The following GRID1 variants were observed in gnomAD, a reference collection of about 807,000 sequenced individuals.
GRID1 encodes the protein glutamate ionotropic receptor delta type subunit 1, also known as glutamate receptor ionotropic, delta-1.
GRID1 carries 28 observed loss-of-function variants against 98.0 expected under a neutral mutation model. The observed-to-expected ratio is 0.29, with a 90% CI of 0.21 to 0.39. The LOEUF is 0.39. GRID1 is among the 10% of genes least tolerant of loss of function. GRID1 has a pLI of 1.00. For missense variants in GRID1, 1,111 were observed against 1,340.5 expected, an observed-to-expected ratio of 0.83 and a Z score of 2.67; for synonymous variants, 553 against 538.5, an observed-to-expected ratio of 1.03 and a Z score of -0.37.
chr10:86,057,277 C>T (rs1843588086), intron 4 of GRID1, among the ~76,000 whole-genome samples: 1 of 152,188 alleles, frequency 6.6e-6, no homozygotes, highest in Admixed American at 6.5e-5. Flanking sequence ...GAAGATTTCA[C>T]AGAAGTCACC....
In GRID1 at chr10:85,717,517, G is replaced by A. The variant is rs143688746; in HGVS notation, c.1997+5486C>T. On this transcript the variant is annotated intron_variant, in intron 12 of 15. Coordinates refer to ENST00000327946, the MANE Select transcript of GRID1 (RefSeq NM_017551.3). ...TCACAAGAATAGCATGGGAAAGGCC[G>A]GCCCCCATGATTCAATTACCTCTCC... Among the ~76,000 whole-genome samples, 105 of 152,190 alleles carry A rather than the reference G, an allele frequency of 6.9e-4. 1 individual carries two copies. The East Asian group carries it at 0.019, about 27-fold the overall frequency.
intron 2 of GRID1, among the ~76,000 whole-genome samples, chr10:86,320,245 C>A (rs908547978): frequency 2.6e-5 from 4 of 152,188 alleles, no homozygotes; most frequent in African/African-American, 9.7e-5. Context: ...CAGGAAGAAT[C>A]CTTTTGCACA....
chr10:85,619,749 G>C, intron 14 of GRID1, 118 bp downstream of exon 14: 1 of 768,178 alleles, frequency 1.3e-6, no homozygotes, highest in Non-Finnish European at 2.1e-6. Flanking sequence ...GTATGTGCTT[G>C]GGAAAATATG....
rs181700462 is a variant in GRID1, at chr10:85,707,206, C to T, written c.1997+15797G>A. 2.6e-3 allele frequency among the ~76,000 whole-genome samples: 393 copies of T among 152,240 alleles called. 3 individuals are homozygous for T. The highest frequency in any genetic ancestry group is 8.6e-3 in the African/African-American group (358 of 41,534). ...CAAAATGGGAGAAAACTTTTGCAAT[C>T]TACTCATCTGACAAAGGGCTAACAT... On this transcript the variant is annotated intron_variant, in intron 12 of 15. Coordinates refer to ENST00000327946, the MANE Select transcript of GRID1 (RefSeq NM_017551.3).
chr10:85,773,126 T>C (rs1842290533), intron 8 of GRID1, among the ~76,000 whole-genome samples: 1 of 152,232 alleles, frequency 6.6e-6, no homozygotes, highest in African/African-American at 2.4e-5. Flanking sequence ...TTATCCACCA[T>C]GATCAAGTGG....
At chr10:85,665,633 A>G (rs73326650) in intron 12 of GRID1, among the ~76,000 whole-genome samples, 11,811 of 152,238 alleles carry the variant, frequency 0.078, 662 homozygotes, top group African/African-American at 0.16. Context: ...TTGACAGTCT[A>G]ATTCCACCCC....
At chr10:86,300,393 G>T (rs1193604249) in intron 2 of GRID1, among the ~76,000 whole-genome samples, 2 of 148,958 alleles carry the variant, frequency 1.3e-5, no homozygotes, top group Non-Finnish European at 3.0e-5. Flanking sequence ...CTTGAGCCCA[G>T]AAGTTTGGGA....
chr10:85,793,014 C>T (rs1252768996), intron 8 of GRID1, among the ~76,000 whole-genome samples: 1 of 152,188 alleles, frequency 6.6e-6, no homozygotes, highest in Non-Finnish European at 1.5e-5. Context: ...TCCCATCCCT[C>T]CCTTAGCTTT....
chr10:85,922,929 A>T (rs1841725089), intron 4 of GRID1, among the ~76,000 whole-genome samples: 1 of 151,788 alleles, frequency 6.6e-6, no homozygotes, highest in South Asian at 2.1e-4. Context: ...CAAGATGCTG[A>T]CTCAGCTGCT....
chr10:85,642,881 T>G (rs972443269), intron 13 of GRID1, among the ~76,000 whole-genome samples: 1 of 152,168 alleles, frequency 6.6e-6, no homozygotes, highest in Non-Finnish European at 1.5e-5. Context: ...AATAAGGAAG[T>G]GTTTCTCTAA....
chr10:85,637,166 T>C (rs1220054824), intron 13 of GRID1, among the ~76,000 whole-genome samples: 1 of 152,194 alleles, frequency 6.6e-6, no homozygotes, highest in Admixed American at 6.5e-5. Context: ...AGCATTATAA[T>C]TATATAAAAC....
chr10:85,723,212 G>T lies in GRID1; in HGVS notation c.1859-71C>A, dbSNP rs954893996. 12 of 1,452,360 alleles carry T rather than the reference G, an allele frequency of 8.3e-6. No individual in the cohort carries two copies. The African/African-American group carries it at 1.4e-4, about 17-fold the overall frequency. The allele number at this position is 1,452,360 out of a possible 1,614,324, so 90.0% of individuals were successfully genotyped here. ...CCTCCTATCCCCAGGGAGGTGTTCT[G>T]CCCTGCAGCCAGGCACACAGGCCAT... On this transcript the variant is annotated intron_variant, in intron 11 of 15. Coordinates refer to ENST00000327946, the MANE Select transcript of GRID1 (RefSeq NM_017551.3).
chr10:85,895,011 AAAAAAAT>A (rs1285750488), intron 5 of GRID1, among the ~76,000 whole-genome samples: 2 of 128,066 alleles, frequency 1.6e-5, no homozygotes, highest in African/African-American at 5.7e-5. Flanking sequence ...CAAAAAAAAA[AAAAAAAT>A]ATATATATAT....
At chr10:86,048,246 T>C (rs1395045296) in intron 4 of GRID1, among the ~76,000 whole-genome samples, 2 of 152,170 alleles carry the variant, frequency 1.3e-5, no homozygotes, top group South Asian at 2.1e-4. Flanking sequence ...TTTTTTTTAA[T>C]AGAGAATAGA....
At chr10:85,929,307 C>G (rs758255237) in intron 4 of GRID1, among the ~76,000 whole-genome samples, 11 of 152,096 alleles carry the variant, frequency 7.2e-5, no homozygotes, top group Non-Finnish European at 1.5e-4. Context: ...TCACTCCCCA[C>G]GAGAACAGCA....
At chr10:85,634,836 AC>A (rs1387114368) in intron 13 of GRID1, among the ~76,000 whole-genome samples, 1 of 152,060 alleles carries the variant, frequency 6.6e-6, no homozygotes, top group Non-Finnish European at 1.5e-5. Context: ...TAATCAAATA[AC>A]AAAACAATTC....
At chr10:86,068,668 C>T (rs1381476050) in intron 4 of GRID1, among the ~76,000 whole-genome samples, 1 of 152,196 alleles carries the variant, frequency 6.6e-6, no homozygotes, top group Non-Finnish European at 1.5e-5. Context: ...TACTGTCACA[C>T]ACGCTCCAGC....
At chr10:85,698,382 A>G in intron 12 of GRID1, among the ~76,000 whole-genome samples, 1 of 152,224 alleles carries the variant, frequency 6.6e-6, no homozygotes, top group East Asian at 1.9e-4. Flanking sequence ...ACATCTTTTA[A>G]GACCTTGACA....
chr10:85,706,998 C>T (rs1403953717), intron 12 of GRID1, among the ~76,000 whole-genome samples: 1 of 152,090 alleles, frequency 6.6e-6, no homozygotes, highest in Non-Finnish European at 1.5e-5. Flanking sequence ...AGACCTAAAA[C>T]CATAAAAACC....
Sources: allele counts gnomAD v4.1 joint callset (sites outside exome capture counted in the v4.1 genomes callset), GRCh38; gene constraint gnomAD v4.1.1; transcripts MANE v1.5; gene names NCBI Gene and HGNC (gene_info 2026-07-23, HGNC 2026-07-21).